The following MAST4 variants were observed in gnomAD, a reference collection of about 807,000 sequenced individuals.
The protein encoded by MAST4 is microtubule associated serine/threonine kinase family member 4.
A neutral mutation model predicts 162.7 loss-of-function variants in MAST4; 89 were observed. That is an observed-to-expected ratio of 0.55 (90% confidence interval 0.46 to 0.65). The LOEUF (loss-of-function observed/expected upper bound fraction) is 0.65. Ranked by LOEUF, MAST4 falls within the 30% of genes least tolerant of loss-of-function variation. The pLI is 0.00. For synonymous variants in MAST4, 1,479 were observed against 1,361.1 expected, an observed-to-expected ratio of 1.09 and a Z score of -1.91; for missense variants, 3,153 against 3,374.0, an observed-to-expected ratio of 0.93 and a Z score of 1.62.
At chr5:66,892,459 A>G (rs1393716880) in intron 3 of MAST4, among the ~76,000 whole-genome samples, 5 of 152,208 alleles carry the variant, frequency 3.3e-5, no homozygotes, top group Admixed American at 6.5e-5. Context: ...GTGATTGAAT[A>G]AAGGAAACCC....
rs182621921 is a variant in MAST4 at position 67,096,375 on chromosome 5, A to G, written c.912+700A>G. 2.0e-3 allele frequency among the ~76,000 whole-genome samples: 310 copies of G among 152,292 alleles called. 2 individuals carry two copies. The highest frequency in any genetic ancestry group is 7.0e-3 in the African/African-American group (291 of 41,570). ...GTGGGATAACTGTATCTGCAGGGCTATAGAAACAAGGTGGTCATTTAGAAG... is the reference window on the plus strand; with the variant it reads ...GTGGGATAACTGTATCTGCAGGGCTGTAGAAACAAGGTGGTCATTTAGAAG... On this transcript the variant is annotated intron_variant, in intron 7 of 28. Coordinates refer to ENST00000403625, the MANE Select transcript of MAST4 (RefSeq NM_001164664.2).
rs928893955 is a variant in MAST4, at chr5:67,167,971, T to C, written c.*920T>C. On this transcript the variant is annotated 3_prime_UTR_variant, in exon 29 of 29. Coordinates refer to ENST00000403625, the MANE Select transcript of MAST4 (RefSeq NM_001164664.2). ...TCAAACTCTTAAACTCAGGCCTTTA[T>C]GCTGTGAGTGACTAGTCCAAGAAGC... The C allele has an allele frequency of 6.6e-6, 1 of 152,248 alleles. No individual in the cohort carries two copies. Among genetic ancestry groups the C allele is most frequent in the Non-Finnish European group, 1.5e-5 (1 of 68,056 alleles). 9.4% of individuals were successfully genotyped at this position (152,248 alleles called of 1,614,324 possible). A position where few individuals can be genotyped will look rare whatever the true frequency, so the allele number is the denominator to read the frequency against.
chr5:66,784,839 T>C (rs1356226269), intron 2 of MAST4, among the ~76,000 whole-genome samples: 1 of 152,204 alleles, frequency 6.6e-6, no homozygotes, highest in Non-Finnish European at 1.5e-5. Context: ...TGCCACTTTG[T>C]AAGGTATTAT....
chr5:66,900,136 G>A (rs1454390913), intron 4 of MAST4, among the ~76,000 whole-genome samples, 154 bp downstream of exon 4: 1 of 152,094 alleles, frequency 6.6e-6, no homozygotes, highest in Non-Finnish European at 1.5e-5. Flanking sequence ...TCAAACAGTA[G>A]TAATGATTTC....
intron 3 of MAST4, among the ~76,000 whole-genome samples, chr5:66,877,690 T>G (rs1761398445): frequency 6.6e-6 from 1 of 152,212 alleles, no homozygotes; most frequent in Non-Finnish European, 1.5e-5. Context: ...ATAAAACTTC[T>G]TATTGAAATA....
chr5:67,166,865 G>A lies in MAST4; in HGVS notation c.7686G>A (p.Gly2562=), dbSNP rs750319708. 1.2e-6 allele frequency: 2 copies of A among 1,607,432 alleles called. No homozygotes were observed. The highest frequency in any genetic ancestry group is 8.5e-7 in the Non-Finnish European group (1 of 1,177,326). ...CTGCCACCGTAGGGGAAACCAAAGG[G>A]AAGGACCCTGCCCCAGCCCAGCCTC... ...SVTATVGETK[G]KDPAPAQPPP... Residue 2562 remains glycine (G), a synonymous_variant, in exon 29 of 29, where the codon GGG becomes GGA. Transcript: ENST00000403625.
chr5:66,820,467 C>T (rs963785597), intron 3 of MAST4, among the ~76,000 whole-genome samples: 2 of 152,190 alleles, frequency 1.3e-5, no homozygotes, highest in Non-Finnish European at 2.9e-5. Context: ...ACATATGGGA[C>T]TTTGCTAAAT....
intron 1 of MAST4, among the ~76,000 whole-genome samples, chr5:66,640,309 C>CTTTTT (rs770087325): frequency 7.1e-6 from 1 of 139,916 alleles, no homozygotes; most frequent in Admixed American, 7.2e-5. Context: ...CAATTTGTTT[C>CTTTTT]TTTTTTTTTT....
chr5:66,887,455 C>T (rs991165323), intron 3 of MAST4, among the ~76,000 whole-genome samples: 1 of 152,074 alleles, frequency 6.6e-6, no homozygotes, highest in Non-Finnish European at 1.5e-5. Context: ...AACAGAAAAC[C>T]CAACTAATAG....
chr5:66,998,453 A>G (rs917293125), intron 4 of MAST4, among the ~76,000 whole-genome samples: 3 of 152,236 alleles, frequency 2.0e-5, no homozygotes, highest in African/African-American at 7.2e-5. Flanking sequence ...TTGAAATTTG[A>G]AACAGTAGAC....
intron 5 of MAST4, among the ~76,000 whole-genome samples, chr5:67,071,312 A>G (rs1449788146): frequency 1.3e-5 from 2 of 152,260 alleles, no homozygotes; most frequent in Non-Finnish European, 2.9e-5. Flanking sequence ...TGCTGACCTC[A>G]GTCATACCTT....
rs1579944626 is a variant in MAST4 at position 66,596,503 on chromosome 5, C to A, written c.-153C>A. On this transcript the variant is annotated 5_prime_UTR_variant, in exon 1 of 29. Transcript: ENST00000403625. ...ACTTAGCAGCGGGCTCCTGCGGCCC[C>A]GTCACTGCCATGTAGTCGCTGGCGG... The A allele has an allele frequency of 9.5e-6, 9 of 949,806 alleles. No individual in the cohort carries two copies. Among genetic ancestry groups the A allele is most frequent in the Non-Finnish European group, 1.1e-5 (8 of 724,800 alleles). 58.8% of individuals were successfully genotyped at this position (949,806 alleles called of 1,614,324 possible). A position where few individuals can be genotyped will look rare whatever the true frequency, so the allele number is the denominator to read the frequency against.
chr5:66,856,150 G>T (rs1759667275), intron 3 of MAST4, among the ~76,000 whole-genome samples: 1 of 152,038 alleles, frequency 6.6e-6, no homozygotes, highest in African/African-American at 2.4e-5. Context: ...ACAGAGCAAG[G>T]CCCTGTTTCA....
At chr5:67,005,073 G>A (rs1751835553) in intron 4 of MAST4, 2 of 765,746 alleles carry the variant, frequency 2.6e-6, no homozygotes, top group East Asian at 2.4e-5. Flanking sequence ...AACAGGCTTC[G>A]GCGAACACAA....
At chr5:66,839,195 A>G (rs1179228886) in intron 3 of MAST4, among the ~76,000 whole-genome samples, 1 of 152,182 alleles carries the variant, frequency 6.6e-6, no homozygotes, top group Non-Finnish European at 1.5e-5. Context: ...ATTAGAAACA[A>G]GAGCAAGAGA....
intron 4 of MAST4, among the ~76,000 whole-genome samples, chr5:66,902,074 A>C (rs1354515496): frequency 1.3e-5 from 2 of 152,208 alleles, no homozygotes; most frequent in Admixed American, 1.3e-4. Context: ...TACTGCATAC[A>C]TGCCTCCTCC....
At chr5:67,060,719 C>G (rs1759467092) in intron 5 of MAST4, among the ~76,000 whole-genome samples, 1 of 152,014 alleles carries the variant, frequency 6.6e-6, no homozygotes, top group Admixed American at 6.5e-5. Context: ...CCTCGTGATC[C>G]ACCTGCCTCG....
At chr5:66,881,544 T>C (rs1761695547) in intron 3 of MAST4, among the ~76,000 whole-genome samples, 1 of 152,196 alleles carries the variant, frequency 6.6e-6, no homozygotes, top group Non-Finnish European at 1.5e-5. Flanking sequence ...CTCCTATCCT[T>C]ATGGGAATTT....
chr5:66,762,516 T>C (rs1381406897), intron 2 of MAST4, among the ~76,000 whole-genome samples: 3 of 152,212 alleles, frequency 2.0e-5, no homozygotes, highest in East Asian at 3.8e-4. Flanking sequence ...ACTGGCTTGC[T>C]ACTTGGTGTT....
Sources: allele counts gnomAD v4.1 joint callset (sites outside exome capture counted in the v4.1 genomes callset), GRCh38; gene constraint gnomAD v4.1.1; transcripts MANE v1.5; gene names NCBI Gene and HGNC (gene_info 2026-07-23, HGNC 2026-07-21).